The following PAM variants were observed in gnomAD, a reference collection of about 807,000 sequenced individuals.
PAM encodes peptidyl-glycine alpha-amidating monooxygenase.
Under a neutral mutation model 122.1 loss-of-function variants are expected in PAM, and 72 were observed. The observed-to-expected ratio is 0.59, with a 90% CI of 0.49 to 0.72. PAM has a LOEUF of 0.72. Among genes scored for constraint, PAM ranks in the 30% least tolerant of loss-of-function variants. The pLI is 0.00. For missense variants in PAM, 1,106 were observed against 1,183.7 expected, an observed-to-expected ratio of 0.93 and a Z score of 0.96; for synonymous variants, 389 against 404.4, an observed-to-expected ratio of 0.96 and a Z score of 0.46.
chr5:102,768,029 A>C (rs1205562297), intron 1 of PAM, among the ~76,000 whole-genome samples: 1 of 152,122 alleles, frequency 6.6e-6, no homozygotes, highest in Non-Finnish European at 1.5e-5. Context: ...GATGTAATGC[A>C]CTTAGAGTGG....
rs1235173932 is a variant in PAM, at chr5:103,003,110, C to T, written c.1691C>T (p.Pro564Leu). The T allele has an allele frequency of 6.3e-7, 1 of 1,597,102 alleles. No homozygotes were observed. The highest frequency in any genetic ancestry group is 8.6e-7 in the Non-Finnish European group (1 of 1,164,630). Residue 564 changes from proline to leucine, a missense_variant, in exon 17 of 26, where the codon CCA (proline) becomes CTA (leucine). Pro to Leu is a moderately conservative substitution (Grantham distance 98). Transcript: ENST00000438793. ...GAAGACACTATTCTTGTCATAGATC[C>T]AAATAATGCTGCAGTACTCCAGTCC... ...IEEDTILVID[P>L]NNAAVLQSSG...
intron 17 of PAM, among the ~76,000 whole-genome samples, chr5:103,004,742 C>T (rs1212037643): frequency 6.6e-6 from 1 of 152,146 alleles, no homozygotes; most frequent in Non-Finnish European, 1.5e-5. Context: ...TATATTAACA[C>T]ATTACATTTC....
Position 103,019,772 on chromosome 5 carries a change from C to A in PAM, c.2432-18C>A. Reference sequence around the variant, plus strand: ...TTGGAGATTCTGACTTTTCTCTCTCCTTGTTGTGTTGTTACAGAATTGGAA... The same window carrying A: ...TTGGAGATTCTGACTTTTCTCTCTCATTGTTGTGTTGTTACAGAATTGGAA... On this transcript the variant is annotated intron_variant, in intron 22 of 25. Transcript: ENST00000438793. The A allele has an allele frequency of 1.3e-6, 2 of 1,565,716 alleles. No individual in the cohort carries two copies. Among genetic ancestry groups the A allele is most frequent in the Non-Finnish European group, 1.8e-6 (2 of 1,136,364 alleles).
chr5:102,942,279 C>T (rs1460245324), intron 7 of PAM, among the ~76,000 whole-genome samples: 1 of 151,930 alleles, frequency 6.6e-6, no homozygotes, highest in African/African-American at 2.4e-5. Context: ...ACCTTGGGAG[C>T]CATGATTTAG....
chr5:102,863,369 G>C (rs1178487216), intron 1 of PAM, among the ~76,000 whole-genome samples: 3 of 152,016 alleles, frequency 2.0e-5, no homozygotes, highest in Non-Finnish European at 2.9e-5. Context: ...GTCCTCCAAG[G>C]CTTGCTCAGT....
At chr5:102,784,202 C>T (rs7737217) in intron 1 of PAM, among the ~76,000 whole-genome samples, 11,969 of 152,124 alleles carry the variant, frequency 0.079, 1,210 homozygotes, top group African/African-American at 0.24. Context: ...TGATCTACCC[C>T]CATCTTTCTC....
At chr5:102,864,820 G>C (rs1445645678) in intron 1 of PAM, among the ~76,000 whole-genome samples, 1 of 152,052 alleles carries the variant, frequency 6.6e-6, no homozygotes, top group Non-Finnish European at 1.5e-5. Context: ...TTTTTATATT[G>C]TGAATTATAC....
intron 7 of PAM, among the ~76,000 whole-genome samples, chr5:102,932,656 T>A (rs900037470): frequency 6.7e-6 from 1 of 149,104 alleles, no homozygotes; most frequent in Non-Finnish European, 1.5e-5. Flanking sequence ...TAAATAAATA[T>A]ATATATATAA....
rs569658315 is a variant in PAM, at chr5:102,801,190, AG to A, written c.-374+45843del. On this transcript the variant is annotated intron_variant, in intron 1 of 25. Transcript: ENST00000438793. Reference sequence around the variant, plus strand: ...ACCTCACCTCACCATGTGATACTGAAGCTGAGCTATTTATATTGTTTTAACT... The same window carrying A: ...ACCTCACCTCACCATGTGATACTGAACTGAGCTATTTATATTGTTTTAACT... 5.3e-4 allele frequency among the ~76,000 whole-genome samples: 81 copies of A among 152,244 alleles called. 2 individuals carry two copies. The highest frequency in any genetic ancestry group is 7.2e-4 in the Admixed American group (11 of 15,296).
At chr5:102,897,593 A>G (rs576579421) in intron 3 of PAM, among the ~76,000 whole-genome samples, 1 of 151,696 alleles carries the variant, frequency 6.6e-6, no homozygotes, top group South Asian at 2.1e-4. Context: ...TAATATTTCT[A>G]TGACTTATGG....
At chr5:102,988,690 GGAAAGA>G (rs1407840408) in intron 15 of PAM, among the ~76,000 whole-genome samples, 1 of 129,202 alleles carries the variant, frequency 7.7e-6, no homozygotes, top group Non-Finnish European at 1.8e-5. Context: ...AAAGAAAGAA[GGAAAGA>G]AAGAGAAAGA....
intron 1 of PAM, among the ~76,000 whole-genome samples, chr5:102,793,964 G>C (rs1762718458): frequency 6.6e-6 from 1 of 152,024 alleles, no homozygotes; most frequent in African/African-American, 2.4e-5. Context: ...TTTAAAAAAT[G>C]TATTGACCAT....
At chr5:103,022,163 T>A (rs1309994731) in intron 23 of PAM, among the ~76,000 whole-genome samples, 2 of 121,084 alleles carry the variant, frequency 1.7e-5, no homozygotes, top group African/African-American at 3.2e-5. Flanking sequence ...TTTTAAAAAA[T>A]AAAAAAACCT....
intron 21 of PAM, among the ~76,000 whole-genome samples, chr5:103,015,467 C>A (rs552499586): frequency 3.9e-5 from 6 of 152,242 alleles, no homozygotes; most frequent in African/African-American, 1.4e-4. Flanking sequence ...AAAGAAGAGT[C>A]TGCAAAGGCT....
chr5:102,986,743 C>T (rs779768142), intron 15 of PAM, among the ~76,000 whole-genome samples: 4 of 152,022 alleles, frequency 2.6e-5, no homozygotes, highest in African/African-American at 7.2e-5. Flanking sequence ...CCCAGTGGGA[C>T]GTAATTGAAT....
chr5:102,994,309 C>A (rs1477704364), intron 16 of PAM, among the ~76,000 whole-genome samples: 1 of 152,072 alleles, frequency 6.6e-6, no homozygotes, highest in African/African-American at 2.4e-5. Flanking sequence ...GTTACTTCAC[C>A]TTTTAGTAAT....
intron 14 of PAM, among the ~76,000 whole-genome samples, chr5:102,963,702 C>T (rs547361155): frequency 7.9e-5 from 12 of 151,784 alleles, no homozygotes; most frequent in Middle Eastern, 3.4e-3. Flanking sequence ...CTTGAACCAT[C>T]GATGGATATG....
intron 4 of PAM, among the ~76,000 whole-genome samples, chr5:102,909,555 C>T (rs1259110375): frequency 1.3e-5 from 2 of 151,640 alleles, no homozygotes; most frequent in African/African-American, 4.8e-5. Context: ...GGTAATTCGC[C>T]CGTGAAACCT....
chr5:102,934,196 T>C (rs1752516436), intron 7 of PAM, among the ~76,000 whole-genome samples: 2 of 152,144 alleles, frequency 1.3e-5, no homozygotes, highest in Non-Finnish European at 2.9e-5. Flanking sequence ...TCAGCTGACA[T>C]AGACGTCCAA....
Sources: allele counts gnomAD v4.1 joint callset (sites outside exome capture counted in the v4.1 genomes callset), GRCh38; gene constraint gnomAD v4.1.1; transcripts MANE v1.5; gene names NCBI Gene and HGNC (gene_info 2026-07-23, HGNC 2026-07-21).